Variants in TMEM255A observed in about 807,000 individuals in gnomAD.
The protein encoded by TMEM255A is transmembrane protein 255A, also known as family with sequence similarity 70, member A.
Under a neutral mutation model 23.5 loss-of-function variants are expected in TMEM255A, and 14 were observed. The observed-to-expected ratio is 0.60, with a 90% CI of 0.39 to 0.93. TMEM255A has a LOEUF of 0.93. Among genes scored for constraint, TMEM255A ranks in the 40% least tolerant of loss-of-function variants. The pLI, the probability that TMEM255A is intolerant of heterozygous loss-of-function variation, is 0.00. For synonymous variants in TMEM255A, 104 were observed against 100.3 expected (o/e 1.04, Z -0.22); for missense variants, 233 against 261.7 (o/e 0.89, Z 0.76).
chrX:120,293,547 C>T (rs782429247), intron 3 of TMEM255A, among the ~76,000 whole-genome samples: 159 of 112,666 alleles, frequency 1.4e-3, no homozygotes, highest in African/African-American at 4.7e-3. Context: ...ATTGTAATCT[C>T]CTAAAAGGCA....
chrX:120,256,373 T>G (rs1183074099), downstream of TMEM255A: 1 of 122,855 alleles, frequency 8.1e-6, no homozygotes, highest in African/African-American at 3.3e-5. Context: ...GGTGAGACTT[T>G]ACATATTTTG....
chrX:120,279,125 C>T (rs781868305), intron 6 of TMEM255A, among the ~76,000 whole-genome samples: 2 of 111,515 alleles, frequency 1.8e-5, no homozygotes, highest in African/African-American at 3.3e-5. Flanking sequence ...AGTAAGCTTC[C>T]GTAGTGGAAT....
In TMEM255A at chrX:120,260,661, T is replaced by G; in HGVS notation, c.*209A>C. The G allele has an allele frequency of 2.4e-6, 1 of 419,373 alleles. No individual in the cohort carries two copies. The highest frequency in any genetic ancestry group is 3.8e-6 in the Non-Finnish European group (1 of 263,419). 34.6% of individuals were successfully genotyped at this position (419,373 alleles called of 1,213,427 possible). ...GCTCCCCAGTCTTGCTTAGAGAATG[T>G]GAGCTGCCCTTCTGTGCTGCGTTCA... On this transcript the variant is annotated 3_prime_UTR_variant, in exon 9 of 9. Transcript: ENST00000371369.
intron 2 of TMEM255A, among the ~76,000 whole-genome samples, chrX:120,300,290 A>C (rs782701101): frequency 9.8e-5 from 11 of 111,967 alleles, no homozygotes; most frequent in Non-Finnish European, 2.1e-4. Flanking sequence ...AGCTCATCTG[A>C]ACCCTCCTGA....
intron 1 of TMEM255A, among the ~76,000 whole-genome samples, chrX:120,308,620 C>T (rs913786028): frequency 1.8e-5 from 2 of 112,061 alleles, no homozygotes; most frequent in African/African-American, 6.5e-5. Context: ...GAAATCCATC[C>T]CTCCCCACTT....
downstream of TMEM255A, chrX:120,254,958 A>G: frequency 8.2e-7 from 1 of 1,212,152 alleles, no homozygotes; most frequent in Non-Finnish European, 1.1e-6. Context: ...ACATTTTAAC[A>G]TTCATTCTTG....
intron 3 of TMEM255A, among the ~76,000 whole-genome samples, chrX:120,291,647 C>G (rs2057916187): frequency 9.6e-6 from 1 of 104,497 alleles, no homozygotes; most frequent in Admixed American, 1.1e-4. Flanking sequence ...CACGGCCCTT[C>G]CATCCTTGGA....
rs1556021515 is a variant in TMEM255A, at chrX:120,285,160, G to T, written c.479C>A (p.Thr160Asn). The T allele has an allele frequency of 8.3e-7, 1 of 1,211,448 alleles. No individual in the cohort carries two copies. Among genetic ancestry groups the T allele is most frequent in the East Asian group, 3.0e-5 (1 of 33,860 alleles). ...GTTGTAGAGGTCACAGCAGAAGCAGGTGTTGCCCCGGATGCGAGGTGTGCA... is the reference window on the plus strand; with the variant it reads ...GTTGTAGAGGTCACAGCAGAAGCAGTTGTTGCCCCGGATGCGAGGTGTGCA... ...EFCTPRIRGNTCFCCDLYNCG... is the reference protein window; with the variant it reads ...EFCTPRIRGNNCFCCDLYNCG... The change falls in exon 6 of 9, where the codon ACC becomes AAC. Residue 160 changes from threonine (T) to asparagine (N), a missense_variant. Thr to Asn is a moderately conservative substitution (Grantham distance 65). Transcript: ENST00000371369.
chrX:120,261,052 AGTTT>A, intron 8 of TMEM255A, 24 bp from the exon 9 acceptor site: 2 of 998,939 alleles, frequency 2.0e-6, no homozygotes, highest in Non-Finnish European at 2.7e-6. Context: ...AGAAAACGTT[AGTTT>A]AGGCAGTGAG....
chrX:120,309,338 T>C (rs996936601), intron 1 of TMEM255A, among the ~76,000 whole-genome samples: 7 of 113,182 alleles, frequency 6.2e-5, no homozygotes, highest in African/African-American at 2.2e-4. Flanking sequence ...GCGCAGACCT[T>C]TCGAGAAACA....
intron 7 of TMEM255A, among the ~76,000 whole-genome samples, chrX:120,270,918 G>A (rs904126260): frequency 9.0e-6 from 1 of 111,331 alleles, no homozygotes; most frequent in African/African-American, 3.3e-5. Context: ...GATGTTCCTG[G>A]ACTTTTTACA....
At chrX:120,279,360 C>A (rs1333473062) in intron 6 of TMEM255A, among the ~76,000 whole-genome samples, 3 of 112,059 alleles carry the variant, frequency 2.7e-5, no homozygotes, top group Non-Finnish European at 5.6e-5. Context: ...AGAGCCCATG[C>A]ATAAGCATAC....
chrX:120,287,089 G>T lies in TMEM255A; in HGVS notation c.423+65C>A, dbSNP rs2057880472. ...GCCCATGAAAAGGAGTAAAAGAAAGGGTGTTTCAGGCAGAACAGGGGACTT... is the reference window on the plus strand; with the variant it reads ...GCCCATGAAAAGGAGTAAAAGAAAGTGTGTTTCAGGCAGAACAGGGGACTT... On this transcript the variant is annotated intron_variant, in intron 5 of 8. Transcript: ENST00000371369. 34 of 936,594 alleles carry T rather than the reference G, an allele frequency of 3.6e-5. No individual in the cohort carries two copies. The South Asian group carries it at 6.7e-4, about 18-fold the overall frequency. The allele number at this position is 936,594 out of a possible 1,213,427, so 77.2% of individuals were successfully genotyped here.
chrX:120,309,487 C>T (rs1286337698), intron 1 of TMEM255A, among the ~76,000 whole-genome samples: 1 of 113,013 alleles, frequency 8.8e-6, no homozygotes, highest in South Asian at 3.6e-4. Flanking sequence ...CAGACGGGCC[C>T]GGGGCGCTGT....
rs938058400 is a variant in TMEM255A at position 120,289,859 on chromosome X, T to C, written c.354+1392A>G. On this transcript the variant is annotated intron_variant, in intron 4 of 8. Coordinates refer to ENST00000371369, the MANE Select transcript of TMEM255A (RefSeq NM_001104544.3). Reference sequence around the variant, plus strand: ...TATTAGTCCATAAAACGGAATGAAGTACTTGATACAACATGAACGAATCTT... The same window carrying C: ...TATTAGTCCATAAAACGGAATGAAGCACTTGATACAACATGAACGAATCTT... Among the ~76,000 whole-genome samples the C allele has an allele frequency of 3.6e-5, 4 of 111,593 alleles. No individual in the cohort carries two copies. In the Admixed American group the frequency reaches 3.8e-4, roughly 11 times the overall value.
At chrX:120,267,840 C>G (rs1327844462) in intron 8 of TMEM255A, among the ~76,000 whole-genome samples, 4 of 111,449 alleles carry the variant, frequency 3.6e-5, no homozygotes, top group Non-Finnish European at 1.9e-5. Flanking sequence ...TGTTAAGGAG[C>G]AGGATTAGGC....
chrX:120,307,227 T>TA, intron 1 of TMEM255A, among the ~76,000 whole-genome samples: 1 of 112,213 alleles, frequency 8.9e-6, no homozygotes, highest in Admixed American at 9.4e-5. Flanking sequence ...CACATCTACT[T>TA]AGAGCAAGAT....
intron 2 of TMEM255A, 39 bp from the exon 3 acceptor site, chrX:120,294,090 A>G: frequency 9.9e-7 from 1 of 1,010,579 alleles, no homozygotes; most frequent in Non-Finnish European, 1.4e-6. Context: ...GTGGGATGAC[A>G]GTCAGGCTGA....
chrX:120,296,636 TTATATTATAATATAATA>T (rs1162011526), intron 2 of TMEM255A, among the ~76,000 whole-genome samples: 72 of 67,632 alleles, frequency 1.1e-3, no homozygotes, highest in African/African-American at 3.6e-3. Context: ...TATATATATA[TTATATTATAATATAATA>T]TATATTATAA....
Sources: gnomAD v4.1 joint callset for allele counts (sites outside exome capture counted in the v4.1 genomes callset) on GRCh38, gnomAD v4.1.1 for gene constraint, MANE v1.5 for transcripts, NCBI Gene and HGNC (gene_info 2026-07-23, HGNC 2026-07-21) for gene names.